Variants in FAM149A observed in about 807,000 individuals in gnomAD.
FAM149A encodes the protein protein FAM149A.
FAM149A carries 71 observed loss-of-function variants against 78.2 expected under a neutral mutation model. The observed-to-expected ratio is 0.91, with a 90% CI of 0.75 to 1.11. The LOEUF is 1.11. FAM149A is among the 50% of genes least tolerant of loss of function. The probability of loss-of-function intolerance (pLI) is 0.00; values close to 1 mark genes in which losing one functional copy is unlikely to be tolerated. For missense variants in FAM149A, 1,036 were observed against 971.0 expected (o/e 1.07, Z -0.89); for synonymous variants, 446 against 410.5 (o/e 1.09, Z -1.04).
chr4:186,132,272 C>A, intron 1 of FAM149A: 1 of 936,612 alleles, frequency 1.1e-6, no homozygotes, highest in Non-Finnish European at 1.3e-6. Flanking sequence ...GTTCAAAAAT[C>A]TCAGTGAAAT....
chr4:186,124,286 A>C, intron 1 of FAM149A: 1 of 928,756 alleles, frequency 1.1e-6, no homozygotes, highest in Non-Finnish European at 1.3e-6. Context: ...ATTATACTTT[A>C]AGTTTTAGGG....
intron 8 of FAM149A, among the ~76,000 whole-genome samples, chr4:186,160,412 C>A (rs111066894): frequency 0.017 from 2,429 of 143,662 alleles, 55 homozygotes; most frequent in African/African-American, 0.05. Flanking sequence ...CACACACCCC[C>A]CACATAAACA....
chr4:186,150,437 T>C (rs1733416625), intron 3 of FAM149A, among the ~76,000 whole-genome samples: 1 of 132,936 alleles, frequency 7.5e-6, no homozygotes, highest in Non-Finnish European at 1.6e-5. Context: ...TTTTTTTTTT[T>C]GAGACGGAGT....
At position 186,144,879 on chromosome 4, in the gene FAM149A, C is replaced by G. The variant is rs1208542834; in HGVS notation, c.567-4294C>G. The G allele has an allele frequency of 7.2e-6, 7 of 971,894 alleles. No individual in the cohort carries two copies. The highest frequency in any genetic ancestry group is 8.5e-6 in the Non-Finnish European group (7 of 824,664). 60.2% of individuals were successfully genotyped at this position (971,894 alleles called of 1,614,324 possible). ...AGAGGGAAGGGGCGTGCGAGCCCCGCGGACCCCGGGCGCGCCCGGGCCGCC... is the reference window on the plus strand; with the variant it reads ...AGAGGGAAGGGGCGTGCGAGCCCCGGGGACCCCGGGCGCGCCCGGGCCGCC... On this transcript the variant is annotated intron_variant, in intron 1 of 13. Transcript: ENST00000389354. This position sits in a 1 kb window ranked among gnomAD's most constrained non-coding sequence, Gnocchi z 4.2.
At chr4:186,110,224 A>C (rs2099310625) in intron 1 of FAM149A, 4 of 985,366 alleles carry the variant, frequency 4.1e-6, no homozygotes, top group South Asian at 4.7e-5. Context: ...ATCTTACAAC[A>C]ACCCAGGGGC....
chr4:186,141,286 C>A (rs144254168), intron 1 of FAM149A, among the ~76,000 whole-genome samples: 8 of 152,080 alleles, frequency 5.3e-5, no homozygotes, highest in Non-Finnish European at 1.0e-4. Flanking sequence ...GTAAAATACA[C>A]ACTGGATTTC....
rs942769603 is a variant in FAM149A, at chr4:186,164,495, G to A, written c.1890-849G>A. 2 of 985,272 alleles carry A rather than the reference G, an allele frequency of 2.0e-6. No homozygotes were observed. The highest frequency in any genetic ancestry group is 2.4e-6 in the Non-Finnish European group (2 of 829,788). 61.0% of individuals were successfully genotyped at this position (985,272 alleles called of 1,614,324 possible). The stretch of plus-strand genomic sequence containing the variant: ...CCTGGCACCCAGACTTTTTCCAGAT[G>A]CAGTCATAACCCCCCTTTCAGCTTT... On this transcript the variant is annotated intron_variant, in intron 10 of 13. Transcript: ENST00000389354. The surrounding 1 kb of genome is among the most constrained non-coding windows in gnomAD (Gnocchi z 4.0).
chr4:186,165,353 C>T lies in FAM149A; in HGVS notation c.1899C>T (p.Gly633=), dbSNP rs372069368. ...TGATGATGTGTTGCAGGCCGACTGG[C>T]GTGGACCACATGGCTTCCCCACTGG... Residue 633 remains glycine, a synonymous_variant, in exon 11 of 14, where the codon GGC becomes GGT. Coordinates refer to ENST00000389354, the MANE Select transcript of FAM149A (RefSeq NM_001367768.3). 6.2e-6 allele frequency: 10 copies of T among 1,614,186 alleles called. No individual in the cohort carries two copies. Among genetic ancestry groups the T allele is most frequent in the South Asian group, 2.2e-5 (2 of 91,084 alleles).
intron 4 of FAM149A, among the ~76,000 whole-genome samples, chr4:186,152,510 T>TATGA (rs1733665155): frequency 6.6e-6 from 1 of 151,382 alleles, no homozygotes; most frequent in Non-Finnish European, 1.5e-5. Flanking sequence ...ATGGATTGGG[T>TATGA]ATGAAGGCAA....
intron 5 of FAM149A, 100 bp from the exon 6 acceptor site, chr4:186,154,368 C>A (rs1733861736): frequency 1.0e-6 from 1 of 1,002,354 alleles, no homozygotes; most frequent in Non-Finnish European, 1.4e-6. Context: ...GGGGGGGATT[C>A]TGTACTTTAC....
At chr4:186,125,791 A>T (rs1345784537) in intron 1 of FAM149A, 6 of 985,288 alleles carry the variant, frequency 6.1e-6, no homozygotes, top group Non-Finnish European at 7.2e-6. Flanking sequence ...AGCTGGGGCC[A>T]TGAATACCCA....
intron 11 of FAM149A, among the ~76,000 whole-genome samples, chr4:186,166,646 G>GT (rs1413117420): frequency 4.1e-5 from 2 of 48,360 alleles, no homozygotes; most frequent in East Asian, 5.0e-4. Flanking sequence ...GCGAGACTCT[G>GT]TTTAAAAAAA....
In FAM149A at chr4:186,126,178, C is replaced by T. The variant is rs767993299; in HGVS notation, c.566+20536C>T. 22 of 833,946 alleles carry T rather than the reference C, an allele frequency of 2.6e-5. No homozygotes were observed. In the East Asian group the frequency reaches 1.1e-3, roughly 42 times the overall value. 51.7% of individuals were successfully genotyped at this position (833,946 alleles called of 1,614,324 possible). On this transcript the variant is annotated intron_variant, in intron 1 of 13. Transcript: ENST00000389354. ...ATACTACTCATTACTAGGGGTACCT[C>T]GAGTAAGCCTCGCGCCTTGTTACCA...
intron 1 of FAM149A, among the ~76,000 whole-genome samples, chr4:186,118,903 G>C (rs2099314825): frequency 6.6e-6 from 1 of 151,934 alleles, no homozygotes; most frequent in South Asian, 2.1e-4. Context: ...GTTTTGTTTT[G>C]TTTTCTTTTG....
chr4:186,123,972 G>C, intron 1 of FAM149A: 1 of 985,034 alleles, frequency 1.0e-6, no homozygotes, highest in South Asian at 4.7e-5. Flanking sequence ...ATCTTAACTA[G>C]ATAGCTAAAA....
chr4:186,105,633 A>G lies in FAM149A; in HGVS notation c.557A>G (p.Asp186Gly). The G allele has an allele frequency of 9.4e-7, 1 of 1,060,554 alleles. No homozygotes were observed. The highest frequency in any genetic ancestry group is 1.1e-6 in the Non-Finnish European group (1 of 872,436). 65.7% of individuals were successfully genotyped at this position (1,060,554 alleles called of 1,614,324 possible). ...GGGGCCTCGGACGGCGACTCCGGGG[A>G]TGGCGAAGCGTGAGTAGCAGCGTGG... is the stretch of plus-strand genomic sequence containing the variant. The change falls in exon 1 of 14, where the codon GAT becomes GGT. Residue 186 changes from aspartate (D) to glycine (G), a missense_variant. Around this residue, in one of 3 missense-constraint regions of FAM149A, gnomAD observed 316 missense variants for 241.9 expected, o/e 1.31. Coordinates refer to ENST00000389354, the MANE Select transcript of FAM149A (RefSeq NM_001367768.3).
At chr4:186,130,285 C>CTCTCTCTCTCTT in intron 1 of FAM149A, 1 of 40,320 alleles carries the variant, frequency 2.5e-5, no homozygotes, top group Admixed American at 3.1e-4. Flanking sequence ...CTCTCTCTCT[C>CTCTCTCTCTCTT]TCTCTCTCTA....
chr4:186,168,595 A>G (rs1473226952), intron 13 of FAM149A, among the ~76,000 whole-genome samples: 2 of 152,184 alleles, frequency 1.3e-5, no homozygotes. Flanking sequence ...ACCTCAGGTA[A>G]TCCACCCATC....
At position 186,171,963 on chromosome 4, in the gene FAM149A, G is replaced by C. The variant is rs980196239; in HGVS notation, c.2268G>C (p.Lys756Asn). 7 of 1,612,838 alleles carry C rather than the reference G, an allele frequency of 4.3e-6. No homozygotes were observed. The highest frequency in any genetic ancestry group is 5.9e-6 in the Non-Finnish European group (7 of 1,179,456). Reference sequence around the variant, plus strand: ...TTCAGAGGACAACTTTGACTTTCAAGAGGAGATTCCAAGTGACATCTTGAA... The same window carrying C: ...TTCAGAGGACAACTTTGACTTTCAACAGGAGATTCCAAGTGACATCTTGAA... The change falls in exon 14 of 14, where the codon AAG becomes AAC. Residue 756 changes from lysine (K) to asparagine (N), a missense_variant. Transcript: ENST00000389354.
Sources: gnomAD v4.1 joint callset for allele counts (sites outside exome capture counted in the v4.1 genomes callset) on GRCh38, gnomAD v4.1.1 for gene constraint, gnomAD v4.1.1 regional missense constraint, Gnocchi (gnomAD v3.1) non-coding constraint, MANE v1.5 for transcripts, NCBI Gene and HGNC (gene_info 2026-07-23, HGNC 2026-07-21) for gene names.